TRAPPC3: variants seen among roughly 807,000 people sequenced by gnomAD.
TRAPPC3 encodes the protein trafficking protein particle complex subunit 3.
Under a neutral mutation model 18.2 loss-of-function variants are expected in TRAPPC3, and 5 were observed. That is an observed-to-expected ratio of 0.28 (90% CI 0.14 to 0.58). The LOEUF is 0.58. Ranked by LOEUF, TRAPPC3 falls within the 20% of genes least tolerant of loss-of-function variation. TRAPPC3 has a pLI of 0.91. For synonymous variants in TRAPPC3, 65 were observed against 84.2 expected (o/e 0.77, Z 1.25); for missense variants, 176 against 225.9 (o/e 0.78, Z 1.41).
chr1:36,144,964 C>G (rs568570410), intron 1 of TRAPPC3, among the ~76,000 whole-genome samples: 3 of 152,260 alleles, frequency 2.0e-5, no homozygotes, highest in East Asian at 1.9e-4. Context: ...TTTCAGGAGG[C>G]CTTTCTTCCC....
rs1027385093 is a variant in TRAPPC3, at chr1:36,149,005, G to T, written c.42+332C>A. The stretch of plus-strand genomic sequence containing the variant: ...TCCATCTGATAGGGGCTACTCTGCA[G>T]ATTAACTGAGATGCTGTAACGTGCG... On this transcript the variant is annotated intron_variant, in intron 1 of 4. Coordinates refer to ENST00000373166, the MANE Select transcript of TRAPPC3 (RefSeq NM_014408.5). 1.1e-5 allele frequency: 13 copies of T among 1,164,316 alleles called. No homozygotes were observed. The East Asian group carries it at 4.5e-4, about 41-fold the overall frequency. 72.1% of individuals were successfully genotyped at this position (1,164,316 alleles called of 1,614,324 possible).
intron 1 of TRAPPC3, among the ~76,000 whole-genome samples, chr1:36,143,328 T>A (rs112730601): frequency 6.6e-6 from 1 of 152,204 alleles, no homozygotes; most frequent in Non-Finnish European, 1.5e-5. Flanking sequence ...CATGAAGATA[T>A]CTGGATAGAT....
intron 1 of TRAPPC3, among the ~76,000 whole-genome samples, chr1:36,145,029 CTTTT>C (rs377064791): frequency 6.7e-6 from 1 of 148,638 alleles, no homozygotes; most frequent in African/African-American, 2.5e-5. Context: ...TCTTTTTTTT[CTTTT>C]TTTTTTGAGA....
At chr1:36,145,723 C>G (rs1028214249) in intron 1 of TRAPPC3, among the ~76,000 whole-genome samples, 2 of 152,210 alleles carry the variant, frequency 1.3e-5, no homozygotes, top group African/African-American at 4.8e-5. Context: ...CATGCATTCT[C>G]TCAATTAATC....
chr1:36,150,915 C>T (rs1644265569), upstream of TRAPPC3, among the ~76,000 whole-genome samples: 1 of 152,186 alleles, frequency 6.6e-6, no homozygotes, highest in Non-Finnish European at 1.5e-5. Flanking sequence ...AGTTGGCCAG[C>T]CGGTCTGTCG....
upstream of TRAPPC3, among the ~76,000 whole-genome samples, chr1:36,154,091 G>A (rs1644291971): frequency 6.6e-6 from 1 of 152,106 alleles, no homozygotes; most frequent in African/African-American, 2.4e-5. Flanking sequence ...TGCAACCTCC[G>A]CCTCTGGGGT....
intron 1 of TRAPPC3, chr1:36,140,651 G>C (rs1472087740): frequency 6.6e-6 from 1 of 152,656 alleles, no homozygotes; most frequent in African/African-American, 2.4e-5. Context: ...AAGCAACAGA[G>C]GACCCAGGGG....
intron 1 of TRAPPC3, chr1:36,141,003 A>G (rs1342433060): frequency 1.3e-5 from 2 of 152,138 alleles, no homozygotes; most frequent in Admixed American, 6.5e-5. Flanking sequence ...CTAAAAATAC[A>G]AAAAATTTGC....
upstream of TRAPPC3, among the ~76,000 whole-genome samples, chr1:36,152,149 A>C (rs1005267712): frequency 1.3e-4 from 19 of 151,952 alleles, no homozygotes; most frequent in Admixed American, 5.2e-4. Context: ...GTTCTGAGAG[A>C]TTTGTTAATT....
intron 1 of TRAPPC3, 79 bp downstream of exon 1, chr1:36,149,258 A>G (rs1570105723): frequency 9.4e-6 from 15 of 1,592,540 alleles, no homozygotes; most frequent in Non-Finnish European, 1.1e-5. Context: ...TTCCAAACGC[A>G]CCTCGCGCTC....
In TRAPPC3 at chr1:36,136,688, G is replaced by C. The variant is rs1644030271; in HGVS notation, c.*515C>G. 6.5e-6 allele frequency: 1 copy of C among 152,712 alleles called. No homozygotes were observed. Among genetic ancestry groups the C allele is most frequent in the Non-Finnish European group, 1.5e-5 (1 of 68,094 alleles). 9.5% of individuals were successfully genotyped at this position (152,712 alleles called of 1,614,324 possible). On this transcript the variant is annotated 3_prime_UTR_variant, in exon 5 of 5. Coordinates refer to ENST00000373166, the MANE Select transcript of TRAPPC3 (RefSeq NM_014408.5). ...AGCAGGGAGGAATGAGACCTGGGTG[G>C]CTTCCCAGAAGTCAGTGTTTCCGGC...
intron 3 of TRAPPC3, chr1:36,138,312 C>A: frequency 6.7e-7 from 1 of 1,503,430 alleles, no homozygotes; most frequent in South Asian, 1.2e-5. Context: ...AGTCTTTCGA[C>A]ACGGTGGCTG....
intron 1 of TRAPPC3, among the ~76,000 whole-genome samples, chr1:36,148,385 AG>A (rs1227003911): frequency 1.3e-5 from 2 of 152,206 alleles, no homozygotes; most frequent in Non-Finnish European, 2.9e-5. Context: ...ACCTGAGGTC[AG>A]GAGTTCGAGA....
chr1:36,152,853 T>C (rs564689830), upstream of TRAPPC3, among the ~76,000 whole-genome samples: 2 of 152,222 alleles, frequency 1.3e-5, no homozygotes, highest in African/African-American at 2.4e-5. Context: ...GGTTTCGCCA[T>C]GTTGCCCAGG....
intron 1 of TRAPPC3, among the ~76,000 whole-genome samples, chr1:36,147,256 G>A (rs1209192402): frequency 6.6e-6 from 1 of 151,912 alleles, no homozygotes; most frequent in Non-Finnish European, 1.5e-5. Context: ...CTGGGAGGTG[G>A]AGGCTGCAGT....
intron 1 of TRAPPC3, chr1:36,149,132 T>C: frequency 2.8e-6 from 4 of 1,446,934 alleles, no homozygotes; most frequent in Non-Finnish European, 3.6e-6. Flanking sequence ...CACTCAGGCC[T>C]TGGGGGCGGG....
intron 1 of TRAPPC3, chr1:36,140,370 G>T (rs1644089611): frequency 2.3e-6 from 1 of 434,840 alleles, no homozygotes. Context: ...TGCAAAATGG[G>T]CTGTAAAAGG....
At chr1:36,151,988 C>T (rs971282976), upstream of TRAPPC3, among the ~76,000 whole-genome samples, 51 of 152,280 alleles carry the variant, frequency 3.3e-4, no homozygotes, top group African/African-American at 1.2e-3. Context: ...TTAGAGACCC[C>T]GTGTTGCTGC....
chr1:36,155,219 C>T (rs1019865440), intron 1 of TRAPPC3, among the ~76,000 whole-genome samples: 10 of 152,236 alleles, frequency 6.6e-5, no homozygotes, highest in Admixed American at 6.5e-4. Flanking sequence ...GTCCCTGCAG[C>T]AGCACCACCA....
Sources: gnomAD v4.1 joint callset for allele counts (sites outside exome capture counted in the v4.1 genomes callset) on GRCh38, gnomAD v4.1.1 for gene constraint, MANE v1.5 for transcripts, NCBI Gene and HGNC (gene_info 2026-07-23, HGNC 2026-07-21) for gene names.